The following PPM1L variants were observed in gnomAD, a reference collection of about 807,000 sequenced individuals.
The protein encoded by PPM1L is protein phosphatase, Mg2+/Mn2+ dependent 1L, also known as protein phosphatase 1L.
In PPM1L, 13 loss-of-function variants were observed where a neutral mutation model predicts 31.4. The observed-to-expected ratio is 0.41, with a 90% CI of 0.27 to 0.66. The LOEUF is 0.66. Ranked by LOEUF, PPM1L falls within the 30% of genes least tolerant of loss-of-function variation. The pLI, the probability that PPM1L is intolerant of heterozygous loss-of-function variation, is 0.29. For missense variants in PPM1L, 326 were observed against 453.7 expected, an observed-to-expected ratio of 0.72 and a Z score of 2.56; for synonymous variants, 184 against 175.4, an observed-to-expected ratio of 1.05 and a Z score of -0.39.
intron 2 of PPM1L, among the ~76,000 whole-genome samples, chr3:161,042,396 A>G (rs1325770321): frequency 6.6e-6 from 1 of 152,190 alleles, no homozygotes; most frequent in East Asian, 1.9e-4. Context: ...CAACATTCAT[A>G]AGCTCAGCCA....
At chr3:160,868,030 T>C (rs1435978158) in intron 1 of PPM1L, among the ~76,000 whole-genome samples, 1 of 152,164 alleles carries the variant, frequency 6.6e-6, no homozygotes, top group African/African-American at 2.4e-5. Context: ...GATGAAGAAA[T>C]ATTAGCCTTT....
chr3:161,012,683 CCA>C (rs1321687181), intron 2 of PPM1L, among the ~76,000 whole-genome samples: 29 of 151,998 alleles, frequency 1.9e-4, no homozygotes, highest in Admixed American at 7.2e-4. Flanking sequence ...TTGATTATTG[CCA>C]CAATTTCAGC....
chr3:160,960,829 T>G (rs998875754), intron 1 of PPM1L, among the ~76,000 whole-genome samples: 1 of 152,112 alleles, frequency 6.6e-6, no homozygotes, highest in Non-Finnish European at 1.5e-5. Flanking sequence ...TAACTAGCAA[T>G]GGGATTCTCA....
At chr3:160,840,485 AT>A (rs1713839765) in intron 1 of PPM1L, among the ~76,000 whole-genome samples, 1 of 152,106 alleles carries the variant, frequency 6.6e-6, no homozygotes, top group Non-Finnish European at 1.5e-5. Flanking sequence ...GGCTCACACA[AT>A]TATGAAGGCC....
rs1432181106 is a variant in PPM1L, at chr3:160,944,856, A to ATAATATATG, written c.400-16879_400-16878insAATATATGT. 2.5e-3 allele frequency among the ~76,000 whole-genome samples: 116 copies of ATAATATATG among 45,910 alleles called. 10 individuals carry two copies. The highest frequency in any genetic ancestry group is 7.0e-3 in the African/African-American group (112 of 16,014). 30.1% of individuals were successfully genotyped at this position (45,910 alleles called of 152,430 possible). A position where few individuals can be genotyped will look rare whatever the true frequency, so the allele number is the denominator to read the frequency against. On this transcript the variant is annotated intron_variant, in intron 1 of 3. Transcript: ENST00000498165. Reference sequence around the variant, plus strand: ...CATATATATGTTATATATAACATATATTATATATAATGTTATATATAACAT... The same window carrying ATAATATATG: ...CATATATATGTTATATATAACATATATAATATATGTTATATATAATGTTATATATAACAT...
chr3:160,974,149 A>G (rs1446476514), intron 2 of PPM1L, among the ~76,000 whole-genome samples: 1 of 150,534 alleles, frequency 6.6e-6, no homozygotes, highest in East Asian at 2.0e-4. Flanking sequence ...GCGATAGTTT[A>G]CTGAGAATGA....
chr3:160,901,390 G>A (rs1390831191), intron 1 of PPM1L, among the ~76,000 whole-genome samples: 1 of 152,076 alleles, frequency 6.6e-6, no homozygotes, highest in Admixed American at 6.6e-5. Flanking sequence ...ACAGCAGCCA[G>A]TCAGCATCCA....
At chr3:160,981,225 T>C (rs189222939) in intron 2 of PPM1L, among the ~76,000 whole-genome samples, 5 of 152,350 alleles carry the variant, frequency 3.3e-5, no homozygotes, top group African/African-American at 1.2e-4. Context: ...TAAATGTTTA[T>C]TAGCTCATAT....
chr3:161,043,485 A>G (rs1718968229), intron 2 of PPM1L, among the ~76,000 whole-genome samples: 1 of 152,196 alleles, frequency 6.6e-6, no homozygotes, highest in African/African-American at 2.4e-5. Context: ...CACATGTGGA[A>G]AATATGAGCC....
intron 1 of PPM1L, among the ~76,000 whole-genome samples, chr3:160,785,596 C>T (rs934794672): frequency 1.3e-5 from 2 of 152,114 alleles, no homozygotes; most frequent in Non-Finnish European, 2.9e-5. Context: ...ATTCTAGCTT[C>T]CTTTTCATAT....
At chr3:160,997,039 C>A (rs766867192) in intron 2 of PPM1L, among the ~76,000 whole-genome samples, 6 of 152,108 alleles carry the variant, frequency 3.9e-5, no homozygotes, top group Non-Finnish European at 5.9e-5. Context: ...GCTAATGGAT[C>A]AGATATCCTG....
At chr3:160,962,286 A>ATT (rs202008709) in intron 2 of PPM1L, among the ~76,000 whole-genome samples, 13 of 151,120 alleles carry the variant, frequency 8.6e-5, no homozygotes, top group Non-Finnish European at 1.9e-4. Flanking sequence ...CTAAAGAGGT[A>ATT]TTTTTTTTTC....
intron 1 of PPM1L, among the ~76,000 whole-genome samples, chr3:160,959,153 T>C (rs1208528288): frequency 6.6e-6 from 1 of 152,198 alleles, no homozygotes; most frequent in South Asian, 2.1e-4. Flanking sequence ...TGCAGCAATT[T>C]AGATGGCGTT....
At chr3:161,037,531 C>T (rs1294957954) in intron 2 of PPM1L, among the ~76,000 whole-genome samples, 1 of 151,100 alleles carries the variant, frequency 6.6e-6, no homozygotes, top group Non-Finnish European at 1.5e-5. Flanking sequence ...TCTCCTGCCT[C>T]AGCCTTCCGA....
chr3:161,050,852 T>C lies in PPM1L; in HGVS notation c.575-14551T>C, dbSNP rs190936518. 1.6e-4 allele frequency among the ~76,000 whole-genome samples: 24 copies of C among 152,354 alleles called. No homozygotes were observed. The South Asian group carries it at 1.7e-3, about 11-fold the overall frequency. On this transcript the variant is annotated intron_variant, in intron 2 of 3. Coordinates refer to ENST00000498165, the MANE Select transcript of PPM1L (RefSeq NM_139245.4). The stretch of plus-strand genomic sequence containing the variant: ...AAAGCTCAGTTCAAATCTCTGATTA[T>C]TTCCTTAGGATAAAATCCAAGAATT...
intron 1 of PPM1L, among the ~76,000 whole-genome samples, chr3:160,957,725 C>T (rs1488517646): frequency 6.6e-6 from 1 of 151,918 alleles, no homozygotes; most frequent in South Asian, 2.1e-4. Context: ...TACAGGTGCC[C>T]GTCACCACGC....
chr3:160,966,868 A>AC (rs11374069), intron 2 of PPM1L, among the ~76,000 whole-genome samples: 129,929 of 152,024 alleles, frequency 0.85, 55,798 homozygotes, highest in Middle Eastern at 0.92. Context: ...CACAATAGTG[A>AC]CTTGATTCAC....
intron 2 of PPM1L, among the ~76,000 whole-genome samples, chr3:161,007,625 A>T (rs1426274143): frequency 6.6e-6 from 1 of 152,098 alleles, no homozygotes; most frequent in East Asian, 1.9e-4. Flanking sequence ...AAACTTTCTT[A>T]AAATATTATG....
intron 2 of PPM1L, among the ~76,000 whole-genome samples, chr3:160,989,085 G>A (rs1365599334): frequency 6.6e-6 from 1 of 152,174 alleles, no homozygotes; most frequent in Non-Finnish European, 1.5e-5. Flanking sequence ...AAACAAATAA[G>A]ACAATCCTTT....
Sources: gnomAD v4.1 joint callset for allele counts (sites outside exome capture counted in the v4.1 genomes callset) on GRCh38, gnomAD v4.1.1 for gene constraint, MANE v1.5 for transcripts, NCBI Gene and HGNC (gene_info 2026-07-23, HGNC 2026-07-21) for gene names.